The following GPC6 variants were observed in gnomAD, a reference collection of about 807,000 sequenced individuals.
The protein encoded by GPC6 is glypican 6, also known as glypican-6.
GPC6 carries 14 observed loss-of-function variants against 55.2 expected under a neutral mutation model. That is an observed-to-expected ratio of 0.25 (90% CI 0.17 to 0.40). The LOEUF (loss-of-function observed/expected upper bound fraction) is 0.40, where lower values mean the gene tolerates loss of function less well. Ranked by LOEUF, GPC6 falls within the 10% of genes least tolerant of loss-of-function variation. The probability of loss-of-function intolerance (pLI) is 1.00; values close to 1 mark genes in which losing one functional copy is unlikely to be tolerated. For missense variants in GPC6, 641 were observed against 708.5 expected (o/e 0.90, Z 1.08); for synonymous variants, 278 against 259.6 (o/e 1.07, Z -0.68).
At chr13:94,134,200 T>C (rs1593969904) in intron 4 of GPC6, among the ~76,000 whole-genome samples, 1 of 152,192 alleles carries the variant, frequency 6.6e-6, no homozygotes, top group African/African-American at 2.4e-5. Context: ...TTACTAAATT[T>C]AGTTAAAGGC....
intron 1 of GPC6, among the ~76,000 whole-genome samples, chr13:93,483,674 G>A (rs1879597951): frequency 6.6e-6 from 1 of 152,204 alleles, no homozygotes; most frequent in South Asian, 2.1e-4. Context: ...AATAAAAAGA[G>A]CCCTAAAATA....
chr13:94,101,935 C>T (rs1300405478), intron 4 of GPC6, among the ~76,000 whole-genome samples: 1 of 151,866 alleles, frequency 6.6e-6, no homozygotes, highest in Non-Finnish European at 1.5e-5. Flanking sequence ...TTTGTTAATG[C>T]AAAAACACTG....
At position 93,967,617 on chromosome 13, in the gene GPC6, T is replaced by A. The variant is rs770017011; in HGVS notation, c.712-60112T>A. Among the ~76,000 whole-genome samples the A allele has an allele frequency of 2.0e-5, 3 of 152,322 alleles. No individual in the cohort carries two copies. The South Asian group carries it at 6.2e-4, about 32-fold the overall frequency. On this transcript the variant is annotated intron_variant, in intron 3 of 8. Transcript: ENST00000377047. ...GCCTGAGTTATGCACCTGTAAAACA[T>A]CTTTCTGCGGTTCATTCTGCACTGT...
At chr13:93,666,385 A>G (rs1881138215) in intron 2 of GPC6, among the ~76,000 whole-genome samples, 1 of 152,016 alleles carries the variant, frequency 6.6e-6, no homozygotes, top group Non-Finnish European at 1.5e-5. Context: ...GAAAAAGGGC[A>G]TGGGAACTCC....
At chr13:94,322,022 C>A (rs938216784) in intron 6 of GPC6, among the ~76,000 whole-genome samples, 2 of 152,164 alleles carry the variant, frequency 1.3e-5, no homozygotes, top group African/African-American at 4.8e-5. Flanking sequence ...TACTTACCAA[C>A]TGATATGGTT....
intron 6 of GPC6, among the ~76,000 whole-genome samples, chr13:94,347,200 G>T (rs1215215753): frequency 6.6e-6 from 1 of 152,078 alleles, no homozygotes; most frequent in African/African-American, 2.4e-5. Flanking sequence ...ATGGTCTCTT[G>T]TTCTTCCCAT....
chr13:94,108,560 A>G (rs1886134261), intron 4 of GPC6, among the ~76,000 whole-genome samples: 1 of 152,158 alleles, frequency 6.6e-6, no homozygotes, highest in African/African-American at 2.4e-5. Flanking sequence ...TACATTAGGT[A>G]CCAGGTGCAG....
intron 6 of GPC6, among the ~76,000 whole-genome samples, chr13:94,339,426 C>T (rs139137327): frequency 2.0e-5 from 3 of 152,224 alleles, no homozygotes; most frequent in East Asian, 1.9e-4. Context: ...TCATAAGTTA[C>T]GCGATGTAAC....
intron 3 of GPC6, among the ~76,000 whole-genome samples, chr13:94,026,572 C>G (rs956978043): frequency 6.6e-6 from 1 of 152,020 alleles, no homozygotes; most frequent in Non-Finnish European, 1.5e-5. Context: ...ATTTTTACAT[C>G]TAGTCATGAA....
intron 1 of GPC6, among the ~76,000 whole-genome samples, chr13:93,280,496 T>G (rs996040675): frequency 1.1e-3 from 173 of 152,358 alleles, no homozygotes; most frequent in African/African-American, 3.9e-3. Context: ...AATTCTTACA[T>G]TATATATGGA....
intron 1 of GPC6, among the ~76,000 whole-genome samples, chr13:93,291,406 C>T (rs531582680): frequency 2.0e-5 from 3 of 152,078 alleles, no homozygotes; most frequent in East Asian, 1.9e-4. Context: ...CCCACTGTAT[C>T]GTAGACACTG....
Position 94,235,441 on chromosome 13 carries a change from G to T in GPC6, c.878-50908G>T, listed in dbSNP as rs149086036. On this transcript the variant is annotated intron_variant, in intron 4 of 8. Transcript: ENST00000377047. The stretch of plus-strand genomic sequence containing the variant: ...CTCATTGAGCGGCCTTACTTTACCA[G>T]GGCCAATTGATCCCTAAGGCTCTGC... 9.2e-5 allele frequency among the ~76,000 whole-genome samples: 14 copies of T among 152,244 alleles called. No individual in the cohort carries two copies. The East Asian group carries it at 2.5e-3, about 27-fold the overall frequency.
At chr13:93,734,489 C>T (rs1883930379) in intron 2 of GPC6, among the ~76,000 whole-genome samples, 1 of 152,092 alleles carries the variant, frequency 6.6e-6, no homozygotes, top group African/African-American at 2.4e-5. Context: ...GAAAACCACT[C>T]CCTGTTCCAT....
intron 4 of GPC6, among the ~76,000 whole-genome samples, chr13:94,217,116 C>T (rs1277702424): frequency 6.6e-6 from 1 of 152,154 alleles, no homozygotes; most frequent in Non-Finnish European, 1.5e-5. Context: ...AATTCAGAAT[C>T]TGAGTTTGAA....
At chr13:93,816,019 A>C (rs1248839582) in intron 2 of GPC6, among the ~76,000 whole-genome samples, 2 of 152,184 alleles carry the variant, frequency 1.3e-5, no homozygotes, top group African/African-American at 4.8e-5. Flanking sequence ...GTTTGTAGAA[A>C]CATTTATAGA....
At chr13:94,145,137 GTGGATGGATGGA>G (rs112864050) in intron 4 of GPC6, among the ~76,000 whole-genome samples, 7 of 149,878 alleles carry the variant, frequency 4.7e-5, no homozygotes, top group African/African-American at 1.5e-4. Context: ...GGATGGATGG[GTGGATGGATGGA>G]TGGATGGATG....
At chr13:94,227,047 C>T (rs1045494153) in intron 4 of GPC6, among the ~76,000 whole-genome samples, 3 of 152,190 alleles carry the variant, frequency 2.0e-5, no homozygotes, top group Non-Finnish European at 4.4e-5. Flanking sequence ...GAATTCTCTG[C>T]GTGTCTACCT....
chr13:93,710,573 G>A (rs1594390749), intron 2 of GPC6, among the ~76,000 whole-genome samples: 1 of 151,620 alleles, frequency 6.6e-6, no homozygotes, highest in Non-Finnish European at 1.5e-5. Flanking sequence ...ATTAGGAATC[G>A]TTATCTGTCC....
intron 7 of GPC6, among the ~76,000 whole-genome samples, chr13:94,395,287 C>T (rs1880848732): frequency 6.6e-6 from 1 of 152,106 alleles, no homozygotes; most frequent in Non-Finnish European, 1.5e-5. Context: ...AAAGGCAGGA[C>T]AGAAGTTATG....
Sources: gnomAD v4.1 joint callset for allele counts (sites outside exome capture counted in the v4.1 genomes callset) on GRCh38, gnomAD v4.1.1 for gene constraint, MANE v1.5 for transcripts, NCBI Gene and HGNC (gene_info 2026-07-23, HGNC 2026-07-21) for gene names.